Variants in DMRTA2 observed in about 807,000 individuals in gnomAD.
The protein encoded by DMRTA2 is doublesex- and mab-3-related transcription factor A2.
In DMRTA2, 10 loss-of-function variants were observed where a neutral mutation model predicts 29.7. The observed-to-expected ratio is 0.34, with a 90% confidence interval of 0.21 to 0.57. DMRTA2 has a LOEUF of 0.57. Ranked by LOEUF, DMRTA2 falls within the 20% of genes least tolerant of loss-of-function variation. The pLI, the probability that DMRTA2 is intolerant of heterozygous loss-of-function variation, is 0.87. For synonymous variants in DMRTA2, 469 were observed against 402.6 expected (o/e 1.16, Z -1.97); for missense variants, 783 against 812.1 (o/e 0.96, Z 0.44).
At position 50,419,732 on chromosome 1, in the gene DMRTA2, C is replaced by T. The variant is rs1273855436; in HGVS notation, c.562G>A (p.Ala188Thr). The change falls in exon 3 of 3, where the codon GCC becomes ACC. Residue 188 changes from alanine to threonine, a missense_variant and splice_region_variant. This residue lies in a region of DMRTA2 where 667 missense variants were observed against 624.8 expected (regional missense o/e 1.07). Transcript: ENST00000404795. This position sits in a 1 kb window ranked among gnomAD's most constrained non-coding sequence, Gnocchi z 6.1. ...AACAGGTCAAACTTCTGCAACTTGG[C>T]CTCTGGGAGGGGAGAAAACGTGTCG... is the stretch of plus-strand genomic sequence containing the variant. ...GGAAGAGGSE[A>T]KLQKFDLFPK... is the part of the protein sequence containing the mutation. 2 of 1,466,442 alleles carry T rather than the reference C, an allele frequency of 1.4e-6. No individual in the cohort carries two copies. Among genetic ancestry groups the T allele is most frequent in the African/African-American group, 1.5e-5 (1 of 67,720 alleles). 90.8% of individuals were successfully genotyped at this position (1,466,442 alleles called of 1,614,324 possible).
Position 50,420,958 on chromosome 1 carries a change from C to A in DMRTA2, c.559+20G>T, listed in dbSNP as rs988823756. ...GCTACGATCCTGCTGCCCCTACCTG[C>A]GGCCTGGCCGCGCTCTCACCTGAGC... is the stretch of plus-strand genomic sequence containing the variant. On this transcript the variant is annotated intron_variant, in intron 2 of 2. Transcript: ENST00000404795. The surrounding 1 kb of genome is among the most constrained non-coding windows in gnomAD (Gnocchi z 4.1). 7.0e-7 allele frequency: 1 copy of A among 1,436,754 alleles called. No individual in the cohort carries two copies. The highest frequency in any genetic ancestry group is 9.0e-7 in the Non-Finnish European group (1 of 1,105,358). The allele number at this position is 1,436,754 out of a possible 1,614,324, so 89.0% of individuals were successfully genotyped here. A position where few individuals can be genotyped will look rare whatever the true frequency, so the allele number is the denominator to read the frequency against.
In DMRTA2 at chr1:50,421,192, C is replaced by T; in HGVS notation, c.345G>A (p.Leu115=). ...RQRVMAAQVA[L]RRQQAQEENE... is the part of the protein sequence containing the mutation. ...TCTCCTCCTGCGCCTGCTGCCTGCG[C>T]AGCGCCACCTGCGCCGCCATGACAC... The change falls in exon 2 of 3, where the codon CTG becomes CTA. Residue 115 remains leucine (L), a synonymous_variant. Coordinates refer to ENST00000404795, the MANE Select transcript of DMRTA2 (RefSeq NM_032110.3). This position sits in a 1 kb window ranked among gnomAD's most constrained non-coding sequence, Gnocchi z 8.7. 1 of 1,538,184 alleles carries T rather than the reference C, an allele frequency of 6.5e-7. No individual in the cohort carries two copies. Among genetic ancestry groups the T allele is most frequent in the South Asian group, 1.2e-5 (1 of 83,340 alleles).
rs1646038926 is a variant in DMRTA2 at position 50,421,549 on chromosome 1, CG to C, written c.-8-6del. On this transcript the variant is annotated splice_polypyrimidine_tract_variant and splice_region_variant and intron_variant, in intron 1 of 2. Coordinates refer to ENST00000404795, the MANE Select transcript of DMRTA2 (RefSeq NM_032110.3). The surrounding 1 kb of genome is among the most constrained non-coding windows in gnomAD (Gnocchi z 8.7). Reference sequence around the variant, plus strand: ...AGCGCAGCTCCATGACAGGACCTGACGGGAAAGAAGGTGGGAGAGGGGAGAG... The same window carrying C: ...AGCGCAGCTCCATGACAGGACCTGACGGAAAGAAGGTGGGAGAGGGGAGAG... The C allele has an allele frequency of 8.0e-7, 1 of 1,243,892 alleles. No individual in the cohort carries two copies. Among genetic ancestry groups the C allele is most frequent in the African/African-American group, 1.6e-5 (1 of 64,162 alleles). 77.1% of individuals were successfully genotyped at this position (1,243,892 alleles called of 1,614,324 possible). A position where few individuals can be genotyped will look rare whatever the true frequency, so the allele number is the denominator to read the frequency against.
rs202193053 is a variant in DMRTA2 at position 50,420,482 on chromosome 1, C to CGGTT, written c.559+492_559+495dup. On this transcript the variant is annotated intron_variant, in intron 2 of 2. Coordinates refer to ENST00000404795, the MANE Select transcript of DMRTA2 (RefSeq NM_032110.3). The surrounding 1 kb of genome is among the most constrained non-coding windows in gnomAD (Gnocchi z 4.1). ...CTAGAAGGAGGGAGGGCGCAGCAAG[C>CGGTT]GGTTGTCCAGAGGGCGTTAGGAACG... 0.013 allele frequency among the ~76,000 whole-genome samples: 2,017 copies of CGGTT among 152,008 alleles called. 42 individuals carry two copies. The highest frequency in any genetic ancestry group is 0.044 in the African/African-American group (1,838 of 41,424).
chr1:50,420,856 C>T lies in DMRTA2; in HGVS notation c.559+122G>A, dbSNP rs1358998531. The T allele has an allele frequency of 1.9e-5, 26 of 1,343,574 alleles. No homozygotes were observed. The highest frequency in any genetic ancestry group is 2.4e-5 in the Non-Finnish European group (25 of 1,045,784). 83.2% of individuals were successfully genotyped at this position (1,343,574 alleles called of 1,614,324 possible). ...CCCGAGGCTGGGCGAGCGGTGAACC[C>T]TAGCAGTCGCGGCGACTGGACACGG... On this transcript the variant is annotated intron_variant, in intron 2 of 2. Coordinates refer to ENST00000404795, the MANE Select transcript of DMRTA2 (RefSeq NM_032110.3). This position sits in a 1 kb window ranked among gnomAD's most constrained non-coding sequence, Gnocchi z 4.1.
In DMRTA2 at chr1:50,423,364, C is replaced by A. The variant is rs909279622; in HGVS notation, c.-257G>T. 1 of 152,216 alleles carries A rather than the reference C, an allele frequency of 6.6e-6. No individual in the cohort carries two copies. The highest frequency in any genetic ancestry group is 1.5e-5 in the Non-Finnish European group (1 of 68,046). The allele number at this position is 152,216 out of a possible 1,614,324, so 9.4% of individuals were successfully genotyped here. A position where few individuals can be genotyped will look rare whatever the true frequency, so the allele number is the denominator to read the frequency against. Reference sequence around the variant, plus strand: ...TTGGAACCCGCGACCTGACTCTCGCCGTGCCGGGTCCCCTCGCGGTGCGCG... The same window carrying A: ...TTGGAACCCGCGACCTGACTCTCGCAGTGCCGGGTCCCCTCGCGGTGCGCG... On this transcript the variant is annotated 5_prime_UTR_variant, in exon 1 of 3. Transcript: ENST00000404795.
Position 50,421,625 on chromosome 1 carries a change from A to G in DMRTA2, c.-8-81T>C. 8.3e-7 allele frequency: 1 copy of G among 1,198,324 alleles called. No individual in the cohort carries two copies. Among genetic ancestry groups the G allele is most frequent in the Non-Finnish European group, 1.0e-6 (1 of 967,408 alleles). The allele number at this position is 1,198,324 out of a possible 1,614,324, so 74.2% of individuals were successfully genotyped here. On this transcript the variant is annotated intron_variant, in intron 1 of 2. Transcript: ENST00000404795. The surrounding 1 kb of genome is among the most constrained non-coding windows in gnomAD (Gnocchi z 8.7). ...CTAGGCCAAAGCGCCGCCTTGAGGA[A>G]CCCAAGCTGGAGAGGGAAATTTGGG...
rs1301943019 is a variant in DMRTA2, at chr1:50,421,491, C to T, written c.46G>A (p.Ala16Thr). ...GGCCCCGTCGCTGTTGCCGCCGCCG[C>T]CGTCGCCGCGCCGGGCACGCTGGGC... ...ELPSVPGAAT[A>T]AAATATGPPV... The change falls in exon 2 of 3, where the codon GCG becomes ACG. Residue 16 changes from alanine (A) to threonine (T), a missense_variant. This residue lies in a region of DMRTA2 where 40 missense variants were observed against 34.7 expected (regional missense o/e 1.15). Coordinates refer to ENST00000404795, the MANE Select transcript of DMRTA2 (RefSeq NM_032110.3). This position sits in a 1 kb window ranked among gnomAD's most constrained non-coding sequence, Gnocchi z 8.7. 2.4e-6 allele frequency: 3 copies of T among 1,272,624 alleles called. No homozygotes were observed. Among genetic ancestry groups the T allele is most frequent in the Non-Finnish European group, 3.0e-6 (3 of 1,015,872 alleles). The allele number at this position is 1,272,624 out of a possible 1,614,324, so 78.8% of individuals were successfully genotyped here.
rs1646035593 is a variant in DMRTA2, at chr1:50,421,177, C to A, written c.360G>T (p.Ala120=). 2.6e-6 allele frequency: 4 copies of A among 1,537,146 alleles called. No individual in the cohort carries two copies. Among genetic ancestry groups the A allele is most frequent in the Admixed American group, 4.0e-5 (2 of 50,562 alleles). Residue 120 remains alanine (A), a synonymous_variant, in exon 2 of 3, where the codon GCG becomes GCT. Coordinates refer to ENST00000404795, the MANE Select transcript of DMRTA2 (RefSeq NM_032110.3). This position sits in a 1 kb window ranked among gnomAD's most constrained non-coding sequence, Gnocchi z 8.7. ...GCTCGCGCGCCTCGTTCTCCTCCTG[C>A]GCCTGCTGCCTGCGCAGCGCCACCT... ...AAQVALRRQQ[A]QEENEARELQ...
Position 50,419,199 on chromosome 1 carries a change from C to T in DMRTA2, c.1095G>A (p.Ala365=). Residue 365 remains alanine, a synonymous_variant, in exon 3 of 3, where the codon GCG becomes GCA. Coordinates refer to ENST00000404795, the MANE Select transcript of DMRTA2 (RefSeq NM_032110.3). The surrounding 1 kb of genome is among the most constrained non-coding windows in gnomAD (Gnocchi z 6.1). ...RGGLAAGLGP[A]APPDKAAVGA... The stretch of plus-strand genomic sequence containing the variant: ...CCACGGCGGCCTTATCTGGGGGCGC[C>T]GCAGGGCCCAGGCCGGCCGCCAGGC... 2 of 1,386,298 alleles carry T rather than the reference C, an allele frequency of 1.4e-6. No homozygotes were observed. Among genetic ancestry groups the T allele is most frequent in the Non-Finnish European group, 1.9e-6 (2 of 1,075,640 alleles). 85.9% of individuals were successfully genotyped at this position (1,386,298 alleles called of 1,614,324 possible).
In DMRTA2 at chr1:50,417,829, A is replaced by C. The variant is rs1005974140; in HGVS notation, c.*836T>G. ...TTCATCCCGAGTTTCCAATATATTT[A>C]ATCTCTAAACCTGATAAGTACAATG... On this transcript the variant is annotated 3_prime_UTR_variant, in exon 3 of 3. Transcript: ENST00000404795. 2.0e-5 allele frequency: 3 copies of C among 152,164 alleles called. No individual in the cohort carries two copies. Among genetic ancestry groups the C allele is most frequent in the African/African-American group, 7.2e-5 (3 of 41,446 alleles). 9.4% of individuals were successfully genotyped at this position (152,164 alleles called of 1,614,324 possible). A position where few individuals can be genotyped will look rare whatever the true frequency, so the allele number is the denominator to read the frequency against.
At position 50,422,555 on chromosome 1, in the gene DMRTA2, G is replaced by T. The variant is rs1187177172; in HGVS notation, c.-9+561C>A. ...TGTGGTGCAGTTTTTTAGCTTCGCA[G>T]TCTGGAGTAGTAGTCGGGGCGGAAG... On this transcript the variant is annotated intron_variant, in intron 1 of 2. Coordinates refer to ENST00000404795, the MANE Select transcript of DMRTA2 (RefSeq NM_032110.3). The surrounding 1 kb of genome is among the most constrained non-coding windows in gnomAD (Gnocchi z 5.7). Among the ~76,000 whole-genome samples, 2 of 152,168 alleles carry T rather than the reference G, an allele frequency of 1.3e-5. No individual in the cohort carries two copies. Among genetic ancestry groups the T allele is most frequent in the Non-Finnish European group, 2.9e-5 (2 of 68,022 alleles).
Position 50,417,551 on chromosome 1 carries a change from TG to T in DMRTA2, c.*1113del, listed in dbSNP as rs1389955299. ...CGAGGAGCGGGACGGGATTCGGCATTGTTTTCTTAGAAAATAACATTTATTT... is the reference window on the plus strand; with the variant it reads ...CGAGGAGCGGGACGGGATTCGGCATTTTTTCTTAGAAAATAACATTTATTT... On this transcript the variant is annotated 3_prime_UTR_variant, in exon 3 of 3. Coordinates refer to ENST00000404795, the MANE Select transcript of DMRTA2 (RefSeq NM_032110.3). The T allele has an allele frequency of 6.6e-6, 1 of 151,820 alleles. No individual in the cohort carries two copies. The allele number at this position is 151,820 out of a possible 1,614,324, so 9.4% of individuals were successfully genotyped here. A position where few individuals can be genotyped will look rare whatever the true frequency, so the allele number is the denominator to read the frequency against.
Position 50,419,785 on chromosome 1 carries a change from G to A in DMRTA2, c.560-51C>T. 2.1e-6 allele frequency: 3 copies of A among 1,397,604 alleles called. No homozygotes were observed. Among genetic ancestry groups the A allele is most frequent in the Non-Finnish European group, 2.8e-6 (3 of 1,064,482 alleles). 86.6% of individuals were successfully genotyped at this position (1,397,604 alleles called of 1,614,324 possible). A position where few individuals can be genotyped will look rare whatever the true frequency, so the allele number is the denominator to read the frequency against. ...AGGAGCGGTTAGCTAGAAGACAGCA[G>A]TCACAGCACCTCGGCCCTTTGGATC... On this transcript the variant is annotated intron_variant, in intron 2 of 2. Transcript: ENST00000404795. This position sits in a 1 kb window ranked among gnomAD's most constrained non-coding sequence, Gnocchi z 6.1.
At position 50,421,920 on chromosome 1, in the gene DMRTA2, C is replaced by A. The variant is rs1021438521; in HGVS notation, c.-8-376G>T. On this transcript the variant is annotated intron_variant, in intron 1 of 2. Coordinates refer to ENST00000404795, the MANE Select transcript of DMRTA2 (RefSeq NM_032110.3). This position sits in a 1 kb window ranked among gnomAD's most constrained non-coding sequence, Gnocchi z 8.7. ...AAAGCTTAGCCTAATTGGGGTGAGA[C>A]GGGTGAGAGAAATGCTCGTTTGACG... 6.6e-6 allele frequency among the ~76,000 whole-genome samples: 1 copy of A among 152,118 alleles called. No individual in the cohort carries two copies. Among genetic ancestry groups the A allele is most frequent in the Non-Finnish European group, 1.5e-5 (1 of 68,028 alleles).
rs750853133 is a variant in DMRTA2, at chr1:50,419,743, G to C, written c.560-9C>G. 2 of 1,459,502 alleles carry C rather than the reference G, an allele frequency of 1.4e-6. No homozygotes were observed. The highest frequency in any genetic ancestry group is 1.8e-6 in the Non-Finnish European group (2 of 1,107,806). The allele number at this position is 1,459,502 out of a possible 1,614,324, so 90.4% of individuals were successfully genotyped here. On this transcript the variant is annotated splice_polypyrimidine_tract_variant and intron_variant, in intron 2 of 2. Coordinates refer to ENST00000404795, the MANE Select transcript of DMRTA2 (RefSeq NM_032110.3). This position sits in a 1 kb window ranked among gnomAD's most constrained non-coding sequence, Gnocchi z 6.1. The stretch of plus-strand genomic sequence containing the variant: ...CTTCTGCAACTTGGCCTCTGGGAGG[G>C]GAGAAAACGTGTCGTGAGGAGCGGT...
At position 50,420,598 on chromosome 1, in the gene DMRTA2, A is replaced by G. The variant is rs1020149379; in HGVS notation, c.559+380T>C. On this transcript the variant is annotated intron_variant, in intron 2 of 2. Transcript: ENST00000404795. The surrounding 1 kb of genome is among the most constrained non-coding windows in gnomAD (Gnocchi z 4.1). ...TAAAGGGGGGGGGATTCCTTAAGGG[A>G]GTTGGGAAGGAGCAGAGGGAAAGGG... Among the ~76,000 whole-genome samples, 39 of 151,684 alleles carry G rather than the reference A, an allele frequency of 2.6e-4. No homozygotes were observed. The highest frequency in any genetic ancestry group is 4.6e-4 in the Admixed American group (7 of 15,216).
At position 50,419,656 on chromosome 1, in the gene DMRTA2, G is replaced by C. The variant is rs377710327; in HGVS notation, c.638C>G (p.Pro213Arg). 72 of 1,499,060 alleles carry C rather than the reference G, an allele frequency of 4.8e-5. No individual in the cohort carries two copies. The highest frequency in any genetic ancestry group is 6.3e-5 in the Non-Finnish European group (71 of 1,127,580). The allele number at this position is 1,499,060 out of a possible 1,614,324, so 92.9% of individuals were successfully genotyped here. The change falls in exon 3 of 3, where the codon CCG becomes CGG. Residue 213 changes from proline to arginine, a missense_variant. Physicochemically the swap from Pro to Arg is moderately radical, Grantham distance 103. This residue lies in a region of DMRTA2 where 667 missense variants were observed against 624.8 expected (regional missense o/e 1.07). Transcript: ENST00000404795. This position sits in a 1 kb window ranked among gnomAD's most constrained non-coding sequence, Gnocchi z 6.1. ...AGRPGSPLPP[P>R]VKPLSPDGAD... ...GCCGTCGGGTGATAAGGGCTTCACCGGCGGCGGCAGCGGGCTGCCCGGGCG... is the reference window on the plus strand; with the variant it reads ...GCCGTCGGGTGATAAGGGCTTCACCCGCGGCGGCAGCGGGCTGCCCGGGCG...
rs760806215 is a variant in DMRTA2 at position 50,418,755 on chromosome 1, C to G, written c.1539G>C (p.Ser513=). 1.3e-6 allele frequency: 2 copies of G among 1,571,478 alleles called. No individual in the cohort carries two copies. The highest frequency in any genetic ancestry group is 1.8e-5 in the Admixed American group (1 of 54,594). ...TGTGCACCGCCGCAGCAGCGGCGGC[C>G]GAGCGGTCACGCATGAGATCGCTAA... is the stretch of plus-strand genomic sequence containing the variant. ...YAFSDLMRDR[S]AAAAAAVHKE... The change falls in exon 3 of 3, where the codon TCG becomes TCC. Residue 513 remains serine (S), a synonymous_variant. Transcript: ENST00000404795.
Sources: allele counts gnomAD v4.1 joint callset (sites outside exome capture counted in the v4.1 genomes callset), GRCh38; gene constraint gnomAD v4.1.1; regional missense constraint gnomAD v4.1.1; non-coding constraint Gnocchi (gnomAD v3.1); transcripts MANE v1.5; gene names NCBI Gene and HGNC (gene_info 2026-07-23, HGNC 2026-07-21).